The following PDE3B variants were observed in gnomAD, a reference collection of about 807,000 sequenced individuals.
PDE3B encodes phosphodiesterase 3B.
In PDE3B, 66 loss-of-function variants were observed where a neutral mutation model predicts 116.8. The observed-to-expected ratio is 0.56, with a 90% CI of 0.46 to 0.69. The LOEUF (loss-of-function observed/expected upper bound fraction) is 0.69, where lower values mean the gene tolerates loss of function less well. Ranked by LOEUF, PDE3B falls within the 30% of genes least tolerant of loss-of-function variation. The probability of loss-of-function intolerance (pLI) is 0.00; values close to 1 mark genes in which losing one functional copy is unlikely to be tolerated. For missense variants in PDE3B, 1,384 were observed against 1,368.1 expected, an observed-to-expected ratio of 1.01 and a Z score of -0.18; for synonymous variants, 595 against 533.6, an observed-to-expected ratio of 1.12 and a Z score of -1.59.
intron 1 of PDE3B, among the ~76,000 whole-genome samples, chr11:14,714,008 A>G (rs371502041): frequency 1.3e-5 from 2 of 152,142 alleles, no homozygotes; most frequent in South Asian, 2.1e-4. Context: ...TTTTACCACA[A>G]CCTGGCTAGT....
chr11:14,668,946 C>G (rs1018984809), intron 1 of PDE3B, among the ~76,000 whole-genome samples: 4 of 152,146 alleles, frequency 2.6e-5, no homozygotes, highest in Non-Finnish European at 4.4e-5. Context: ...ACAAGCCTCC[C>G]TGCTCCTGGG....
At chr11:14,683,334 C>T (rs187179323) in intron 1 of PDE3B, among the ~76,000 whole-genome samples, 1 of 151,988 alleles carries the variant, frequency 6.6e-6, no homozygotes, top group African/African-American at 2.4e-5. Context: ...AAGCTTTAAA[C>T]TATGTGTTGA....
chr11:14,891,796 G>A, the PDE3B span: 6 of 1,410,324 alleles, frequency 4.3e-6, no homozygotes, highest in Non-Finnish European at 4.6e-6. Flanking sequence ...CCCCTGCAAG[G>A]GGGCACGGCG....
chr11:14,883,701 A>G, the PDE3B span, among the ~76,000 whole-genome samples: 1 of 152,062 alleles, frequency 6.6e-6, no homozygotes, highest in Non-Finnish European at 1.5e-5. Flanking sequence ...AATTAAACTC[A>G]AGAGCTTCTG....
At chr11:14,691,560 A>AT (rs1259825276) in intron 1 of PDE3B, among the ~76,000 whole-genome samples, 1 of 152,088 alleles carries the variant, frequency 6.6e-6, no homozygotes, top group African/African-American at 2.4e-5. Context: ...ATTTATTATT[A>AT]TTTTTTCCAT....
At chr11:14,892,180 T>G in the PDE3B span, 1 of 1,610,544 alleles carries the variant, frequency 6.2e-7, no homozygotes, top group Admixed American at 1.7e-5. Context: ...CGCCGCGCCC[T>G]CTTCAGCTCT....
chr11:14,682,267 CTG>C (rs966086776), intron 1 of PDE3B, among the ~76,000 whole-genome samples: 1 of 152,160 alleles, frequency 6.6e-6, no homozygotes, highest in Admixed American at 6.5e-5. Flanking sequence ...CAAGGGTCGA[CTG>C]TAAATGATAA....
downstream of PDE3B, among the ~76,000 whole-genome samples, chr11:14,873,189 C>G (rs1278927891): frequency 1.3e-5 from 2 of 152,138 alleles, no homozygotes; most frequent in Non-Finnish European, 2.9e-5. Flanking sequence ...CTAATGATAA[C>G]CAATCAGTTT....
the PDE3B span, among the ~76,000 whole-genome samples, chr11:14,895,590 T>G: frequency 3.9e-5 from 6 of 152,058 alleles, no homozygotes; most frequent in Non-Finnish European, 2.9e-5. Context: ...TGCACTTGGA[T>G]TTTCATTGTG....
intron 12 of PDE3B, among the ~76,000 whole-genome samples, chr11:14,857,870 C>T (rs1847878342): frequency 1.3e-5 from 2 of 152,188 alleles, no homozygotes; most frequent in Admixed American, 1.3e-4. Flanking sequence ...GTCCTTGTCA[C>T]ATTTGAGCAT....
chr11:14,847,905 AG>A (rs1847647474), intron 12 of PDE3B, among the ~76,000 whole-genome samples: 1 of 152,162 alleles, frequency 6.6e-6, no homozygotes, highest in South Asian at 2.1e-4. Context: ...ATTCTACCAG[AG>A]GTACAAGGAG....
intron 1 of PDE3B, among the ~76,000 whole-genome samples, chr11:14,713,509 G>A (rs1448761136): frequency 1.3e-5 from 2 of 152,030 alleles, no homozygotes; most frequent in African/African-American, 2.4e-5. Context: ...TGAAACATTG[G>A]CCCTTCCTGG....
chr11:14,867,442 C>T (rs1050019965), intron 14 of PDE3B, 64 bp from the exon 15 acceptor site: 1 of 1,402,082 alleles, frequency 7.1e-7, no homozygotes, highest in African/African-American at 1.4e-5. Flanking sequence ...ATAATTTTAA[C>T]AGCAAAGCTC....
chr11:14,689,482 A>C (rs1854987259), intron 1 of PDE3B, among the ~76,000 whole-genome samples: 1 of 152,178 alleles, frequency 6.6e-6, no homozygotes, highest in Non-Finnish European at 1.5e-5. Flanking sequence ...TGCTTGTGGA[A>C]TTGATAGTCT....
At chr11:14,844,668 C>T (rs1321509155) in intron 12 of PDE3B, among the ~76,000 whole-genome samples, 1 of 152,330 alleles carries the variant, frequency 6.6e-6, no homozygotes, top group East Asian at 1.9e-4. Flanking sequence ...TAAAAAACGG[C>T]GCACCAGGAG....
At chr11:14,866,139 TC>T (rs1170953415) in intron 14 of PDE3B, among the ~76,000 whole-genome samples, 1 of 152,166 alleles carries the variant, frequency 6.6e-6, no homozygotes, top group Admixed American at 6.5e-5. Flanking sequence ...TATGTAGACT[TC>T]TTAGAATAGT....
chr11:14,756,241 A>G (rs1249437262), intron 1 of PDE3B, among the ~76,000 whole-genome samples: 1 of 152,188 alleles, frequency 6.6e-6, no homozygotes, highest in Non-Finnish European at 1.5e-5. Flanking sequence ...ATCAAGATAT[A>G]TTATAATCTA....
intron 7 of PDE3B, among the ~76,000 whole-genome samples, chr11:14,824,984 T>G (rs944050389): frequency 1.8e-4 from 27 of 149,900 alleles, no homozygotes; most frequent in Non-Finnish European, 3.7e-4. Flanking sequence ...TTCAACATTC[T>G]TAAAAAAAAA....
chr11:14,653,188 C>T (rs1305921950), intron 1 of PDE3B, among the ~76,000 whole-genome samples: 1 of 152,004 alleles, frequency 6.6e-6, no homozygotes, highest in East Asian at 1.9e-4. Context: ...TCTTCAGGGT[C>T]TTAACTTAGT....
Sources: gnomAD v4.1 joint callset for allele counts (sites outside exome capture counted in the v4.1 genomes callset) on GRCh38, gnomAD v4.1.1 for gene constraint, MANE v1.5 for transcripts, NCBI Gene and HGNC (gene_info 2026-07-23, HGNC 2026-07-21) for gene names.